Variants in TH observed in about 807,000 individuals in gnomAD.
TH encodes the protein tyrosine 3-monooxygenase.
Under a neutral mutation model 57.4 loss-of-function variants are expected in TH, and 49 were observed. The ratio of observed to expected loss-of-function variants is 0.85; its 90% CI spans 0.68 to 1.08. The LOEUF (loss-of-function observed/expected upper bound fraction) is 1.08. Among genes scored for constraint, TH ranks in the 50% least tolerant of loss-of-function variants. The probability of loss-of-function intolerance (pLI) is 0.00; values close to 1 mark genes in which losing one functional copy is unlikely to be tolerated. For synonymous variants in TH, 330 were observed against 304.5 expected (o/e 1.08, Z -0.87); for missense variants, 720 against 696.7 (o/e 1.03, Z -0.38).
intron 2 of TH, 57 bp from the exon 3 acceptor site, chr11:2,168,722 A>AGGGGGGGGGG: frequency 6.5e-6 from 1 of 152,762 alleles, no homozygotes; most frequent in Admixed American, 1.1e-4. Context: ...AGATGGAGAG[A>AGGGGGGGGGG]GAGGGTGGGG....
Position 2,166,625 on chromosome 11 carries a change from G to T in TH, c.977+8C>A. The T allele has an allele frequency of 6.3e-7, 1 of 1,578,666 alleles. No homozygotes were observed. Among genetic ancestry groups the T allele is most frequent in the Non-Finnish European group, 8.6e-7 (1 of 1,163,390 alleles). On this transcript the variant is annotated splice_region_variant and intron_variant, in intron 8 of 12. Coordinates refer to ENST00000352909, the MANE Select transcript of TH (RefSeq NM_000360.4). ...ACCCTCGGGCTGGCGGCCAGGGCGCGCACTCACGGCTCAGGGGAGTGCATG... is the reference window on the plus strand; with the variant it reads ...ACCCTCGGGCTGGCGGCCAGGGCGCTCACTCACGGCTCAGGGGAGTGCATG...
intron 12 of TH, 49 bp downstream of exon 12, chr11:2,165,183 G>A: frequency 6.2e-7 from 1 of 1,612,160 alleles, no homozygotes; most frequent in Non-Finnish European, 8.5e-7. Flanking sequence ...GGCCTGGCTG[G>A]CCCAGTTTGG....
chr11:2,169,998 A>G (rs1038647003), intron 1 of TH, 127 bp from the exon 2 acceptor site: 3 of 991,078 alleles, frequency 3.0e-6, no homozygotes, highest in Non-Finnish European at 4.6e-6. Flanking sequence ...CACGTTTTTG[A>G]GCGCCTACTG....
chr11:2,164,536 GAC>G, intron 12 of TH, 144 bp from the exon 13 acceptor site: 1 of 930,970 alleles, frequency 1.1e-6, no homozygotes, highest in South Asian at 2.0e-5. Flanking sequence ...TCACAGGCGG[GAC>G]ACTGAGGCCT....
chr11:2,165,687 G>C lies in TH; in HGVS notation c.1181C>G (p.Ser394Cys). The C allele has an allele frequency of 6.2e-7, 1 of 1,612,806 alleles. No homozygotes were observed. The change falls in exon 11 of 13, where the codon TCC becomes TGC. Residue 394 changes from serine (S) to cysteine (C), a missense_variant. Transcript: ENST00000352909. ...TCTCACCAGGAGCTCCCCGTAGGAG[G>C]ACAGCAGCCCGGCACCATAGGCCTT... The part of the protein sequence containing the change: ...EVKAYGAGLL[S>C]SYGELLHCLS...
At position 2,166,713 on chromosome 11, in the gene TH, G is replaced by A. The variant is rs76719766; in HGVS notation, c.897C>T (p.Phe299=). The A allele has an allele frequency of 1.0e-3, 1,549 of 1,552,354 alleles. 1 individual carries two copies. The highest frequency in any genetic ancestry group is 1.2e-3 in the Non-Finnish European group (1,420 of 1,148,076). The change falls in exon 8 of 13, where the codon TTC becomes TTT. Residue 299 remains phenylalanine, a synonymous_variant. Coordinates refer to ENST00000352909, the MANE Select transcript of TH (RefSeq NM_000360.4). The stretch of plus-strand genomic sequence containing the variant: ...ACACGCGGAAGGCCAGGCTGGCCAG[G>A]AAGTCCCGGGCGGACAGCAGGCCGG... ...PVAGLLSARD[F]LASLAFRVFQ... is the part of the protein sequence containing the mutation.
rs1387817676 is a variant in TH, at chr11:2,170,784, G to A, written c.90+913C>T. On this transcript the variant is annotated intron_variant, in intron 1 of 12. Transcript: ENST00000352909. This position sits in a 1 kb window ranked among gnomAD's most constrained non-coding sequence, Gnocchi z 6.0. ...CCCCGGGGCGCCCTGGGGAGGGGAT[G>A]CCTGATGGGGAGCCTGGTGGGGGAG... is the stretch of plus-strand genomic sequence containing the variant. 2 of 1,391,934 alleles carry A rather than the reference G, an allele frequency of 1.4e-6. No homozygotes were observed. The highest frequency in any genetic ancestry group is 2.5e-4 in the Middle Eastern group (1 of 4,024). The allele number at this position is 1,391,934 out of a possible 1,614,324, so 86.2% of individuals were successfully genotyped here. A position where few individuals can be genotyped will look rare whatever the true frequency, so the allele number is the denominator to read the frequency against.
intron 5 of TH, 116 bp from the exon 6 acceptor site, chr11:2,167,601 G>A (rs1029502912): frequency 1.5e-6 from 2 of 1,308,742 alleles, no homozygotes; most frequent in African/African-American, 1.5e-5. Flanking sequence ...AGGCCTTTGG[G>A]TTGGAGGATG....
At position 2,166,642 on chromosome 11, in the gene TH, G is replaced by C. The variant is rs1443013381; in HGVS notation, c.968C>G (p.Ser323Cys). ...CAGGGCGCGCACTCACGGCTCAGGG[G>C]AGTGCATGGGCGAGGACGCGTGGCG... ...YIRHASSPMH[S>C]PEPDCCHELL... Residue 323 changes from serine to cysteine, a missense_variant, in exon 8 of 13, where the codon TCC (serine) becomes TGC (cysteine). Coordinates refer to ENST00000352909, the MANE Select transcript of TH (RefSeq NM_000360.4). 6.3e-7 allele frequency: 1 copy of C among 1,579,110 alleles called. No homozygotes were observed. Among genetic ancestry groups the C allele is most frequent in the African/African-American group, 1.3e-5 (1 of 74,482 alleles).
In TH at chr11:2,170,821, G is replaced by A. The variant is rs1846233700; in HGVS notation, c.90+876C>T. The A allele has an allele frequency of 1.6e-6, 1 of 613,308 alleles. No homozygotes were observed. The highest frequency in any genetic ancestry group is 1.9e-5 in the South Asian group (1 of 51,748). 38.0% of individuals were successfully genotyped at this position (613,308 alleles called of 1,614,324 possible). On this transcript the variant is annotated intron_variant, in intron 1 of 12. Coordinates refer to ENST00000352909, the MANE Select transcript of TH (RefSeq NM_000360.4). The surrounding 1 kb of genome is among the most constrained non-coding windows in gnomAD (Gnocchi z 6.0). The stretch of plus-strand genomic sequence containing the variant: ...GCCTGGTGGGGGAGGGTAGGGGAGG[G>A]CGGGGGAGGACGGGGGAGGGCGCCC...
rs1282056566 is a variant in TH, at chr11:2,170,310, C to A, written c.91-439G>T. On this transcript the variant is annotated intron_variant, in intron 1 of 12. Coordinates refer to ENST00000352909, the MANE Select transcript of TH (RefSeq NM_000360.4). The surrounding 1 kb of genome is among the most constrained non-coding windows in gnomAD (Gnocchi z 6.0). ...GCCCCCACAGGGCCCCAGTGAACAA[C>A]CCCCCTACCCTCCTGGCTGCCGCAC... Among the ~76,000 whole-genome samples, 2 of 152,112 alleles carry A rather than the reference C, an allele frequency of 1.3e-5. No individual in the cohort carries two copies. Among genetic ancestry groups the A allele is most frequent in the Admixed American group, 1.3e-4 (2 of 15,280 alleles).
At chr11:2,169,455 G>C (rs1204475161) in intron 2 of TH, among the ~76,000 whole-genome samples, 195 bp downstream of exon 2, 4 of 152,138 alleles carry the variant, frequency 2.6e-5, no homozygotes, top group Non-Finnish European at 4.4e-5. Flanking sequence ...GTGGGCTCAG[G>C]ATCCCTCAAA....
Position 2,171,085 on chromosome 11 carries a change from G to GTGAATGAA in TH, c.90+604_90+611dup, listed in dbSNP as rs59181491. On this transcript the variant is annotated intron_variant, in intron 1 of 12. Coordinates refer to ENST00000352909, the MANE Select transcript of TH (RefSeq NM_000360.4). This position sits in a 1 kb window ranked among gnomAD's most constrained non-coding sequence, Gnocchi z 8.6. ...GGTCACAGGGAACACAGACTCCATG[G>GTGAATGAA]TGAATGAATGAATGAATGAATGAAT... Among the ~76,000 whole-genome samples, 24,346 of 140,726 alleles carry GTGAATGAA rather than the reference G, an allele frequency of 0.17. 2,247 individuals carry two copies. The highest frequency in any genetic ancestry group is 0.46 in the East Asian group (2,223 of 4,856). The allele number at this position is 140,726 out of a possible 152,430, so 92.3% of individuals were successfully genotyped here. A position where few individuals can be genotyped will look rare whatever the true frequency, so the allele number is the denominator to read the frequency against.
In TH at chr11:2,164,086, G is replaced by A. The variant is rs1301142505; in HGVS notation, c.*147C>T. ...CACCACGGGCACACACAGCTGTTGC[G>A]CTGAGAAGCAGGTGCAGGGGCAGTG... On this transcript the variant is annotated 3_prime_UTR_variant, in exon 13 of 13. Coordinates refer to ENST00000352909, the MANE Select transcript of TH (RefSeq NM_000360.4). The A allele has an allele frequency of 3.5e-5, 23 of 665,304 alleles. No individual in the cohort carries two copies. The highest frequency in any genetic ancestry group is 7.5e-5 in the African/African-American group (4 of 53,156). 41.2% of individuals were successfully genotyped at this position (665,304 alleles called of 1,614,324 possible).
At position 2,164,258 on chromosome 11, in the gene TH, G is replaced by A. The variant is rs770178973; in HGVS notation, c.1469C>T (p.Ala490Val). ...CTAGCCAATGGCACTCAGCGCATGG[G>A]CAAGGGTGTCCAGCTCATCCTGGAC... ...EGVQDELDTLAHALSAIG is the reference protein window; with the variant it reads ...EGVQDELDTLVHALSAIG Residue 490 changes from alanine to valine, a missense_variant, in exon 13 of 13, where the codon GCC (alanine) becomes GTC (valine). Transcript: ENST00000352909. The A allele has an allele frequency of 8.0e-6, 12 of 1,493,112 alleles. No homozygotes were observed. Among genetic ancestry groups the A allele is most frequent in the Non-Finnish European group, 4.5e-6 (5 of 1,119,006 alleles). 92.5% of individuals were successfully genotyped at this position (1,493,112 alleles called of 1,614,324 possible). A position where few individuals can be genotyped will look rare whatever the true frequency, so the allele number is the denominator to read the frequency against.
intron 2 of TH, among the ~76,000 whole-genome samples, chr11:2,168,942 T>C (rs1846178287): frequency 6.6e-6 from 1 of 152,164 alleles, no homozygotes. Context: ...GCTCGGTGTG[T>C]GTGTCCCAAG....
At position 2,165,214 on chromosome 11, in the gene TH, C is replaced by T; in HGVS notation, c.1334+18G>A. 1 of 1,612,720 alleles carries T rather than the reference C, an allele frequency of 6.2e-7. No individual in the cohort carries two copies. Among genetic ancestry groups the T allele is most frequent in the South Asian group, 1.1e-5 (1 of 91,076 alleles). ...TTTGGGGGCACCATGGGGGGCTTGCCCTAGCAGCCTAGCCCACCTGAGCTT... is the reference window on the plus strand; with the variant it reads ...TTTGGGGGCACCATGGGGGGCTTGCTCTAGCAGCCTAGCCCACCTGAGCTT... On this transcript the variant is annotated intron_variant, in intron 12 of 12. Transcript: ENST00000352909.
chr11:2,166,398 C>CACCCGCACATCGAT, intron 9 of TH, 82 bp downstream of exon 9: 1 of 1,493,782 alleles, frequency 6.7e-7, no homozygotes, highest in Non-Finnish European at 9.0e-7. Context: ...ACACTTCACC[C>CACCCGCACATCGAT]ACCCGCACAT....
chr11:2,167,507 A>G, intron 5 of TH, 22 bp from the exon 6 acceptor site: 2 of 1,553,978 alleles, frequency 1.3e-6, no homozygotes, highest in Non-Finnish European at 1.7e-6. Flanking sequence ...GCCAGTGGTC[A>G]GCAGGTCCCC....
Sources: gnomAD v4.1 joint callset for allele counts (sites outside exome capture counted in the v4.1 genomes callset) on GRCh38, gnomAD v4.1.1 for gene constraint, Gnocchi (gnomAD v3.1) non-coding constraint, MANE v1.5 for transcripts, NCBI Gene and HGNC (gene_info 2026-07-23, HGNC 2026-07-21) for gene names.